Variants in POT1 observed in about 807,000 individuals in gnomAD.
POT1 encodes protection of telomeres 1.
POT1 carries 47 observed loss-of-function variants against 78.5 expected under a neutral mutation model. The ratio of observed to expected loss-of-function variants is 0.60; its 90% CI spans 0.47 to 0.76. The LOEUF (loss-of-function observed/expected upper bound fraction) is 0.76, where lower values mean the gene tolerates loss of function less well. Ranked by LOEUF, POT1 falls within the 30% of genes least tolerant of loss-of-function variation. POT1 has a pLI of 0.00. For missense variants in POT1, 646 were observed against 749.9 expected, an observed-to-expected ratio of 0.86 and a Z score of 1.62; for synonymous variants, 259 against 260.7, an observed-to-expected ratio of 0.99 and a Z score of 0.06.
intron 15 of POT1, among the ~76,000 whole-genome samples, chr7:124,833,620 G>A (rs1794823039): frequency 6.6e-6 from 1 of 152,110 alleles, no homozygotes; most frequent in South Asian, 2.1e-4. Context: ...TAGTGGCTCA[G>A]AAATTCTGAA....
At chr7:124,827,806 C>A (rs1314289829) in intron 16 of POT1, among the ~76,000 whole-genome samples, 1 of 152,018 alleles carries the variant, frequency 6.6e-6, no homozygotes, top group African/African-American at 2.4e-5. Context: ...GGCAGATCAC[C>A]TGGGCGGATC....
chr7:124,824,981 T>C (rs1046842975), intron 18 of POT1, among the ~76,000 whole-genome samples: 8 of 152,180 alleles, frequency 5.3e-5, no homozygotes, highest in Non-Finnish European at 8.8e-5. Flanking sequence ...GCTTGTAGCA[T>C]GACAATGTCA....
intron 6 of POT1, among the ~76,000 whole-genome samples, chr7:124,872,290 AGATATCTCTTCAACATACT>A (rs1442550009): frequency 6.6e-6 from 1 of 152,208 alleles, no homozygotes; most frequent in African/African-American, 2.4e-5. Context: ...ATGGGAGTGC[AGATATCTCTTCAACATACT>A]GATTATTTAC....
chr7:124,910,324 A>G (rs1440725386), intron 3 of POT1, among the ~76,000 whole-genome samples: 3 of 151,842 alleles, frequency 2.0e-5, no homozygotes, highest in Non-Finnish European at 4.4e-5. Flanking sequence ...ATGAGGTAAG[A>G]AAAAAAAGGT....
rs1357128466 is a variant in POT1 at position 124,929,819 on chromosome 7, A to T, written c.-437T>A. 6.6e-6 allele frequency: 1 copy of T among 152,256 alleles called. No homozygotes were observed. Among genetic ancestry groups the T allele is most frequent in the Non-Finnish European group, 1.5e-5 (1 of 68,084 alleles). 9.4% of individuals were successfully genotyped at this position (152,256 alleles called of 1,614,324 possible). ...CCGTACTCTAGAAAGAACCCTAGGA[A>T]GAGTTTAGGCGGGCGCGCAGGTGAC... is the stretch of plus-strand genomic sequence containing the variant. On this transcript the variant is annotated 5_prime_UTR_variant, in exon 1 of 19. Transcript: ENST00000357628.
intron 6 of POT1, among the ~76,000 whole-genome samples, chr7:124,876,687 T>A (rs973923175): frequency 6.6e-6 from 1 of 152,194 alleles, no homozygotes; most frequent in African/African-American, 2.4e-5. Flanking sequence ...TTCTGGAACA[T>A]ACATATTAAA....
rs1234828035 is a variant in POT1 at position 124,835,266 on chromosome 7, C to CAAAAT, written c.1505+12_1505+13insATTTT. 9.3e-6 allele frequency: 15 copies of CAAAAT among 1,612,086 alleles called. No homozygotes were observed. Among genetic ancestry groups the CAAAAT allele is most frequent in the Non-Finnish European group, 1.3e-5 (15 of 1,179,164 alleles). On this transcript the variant is annotated intron_variant, in intron 15 of 18. Coordinates refer to ENST00000357628, the MANE Select transcript of POT1 (RefSeq NM_015450.3). ...ATAAACAAAACAAAACAAAACAAAA[C>CAAAAT]AAAACAAAATACCCATAGTGATGTA... is the stretch of plus-strand genomic sequence containing the variant.
intron 1 of POT1, 200 bp downstream of exon 1, chr7:124,929,594 G>A (rs1444883284): frequency 6.6e-6 from 1 of 152,136 alleles, no homozygotes; most frequent in African/African-American, 2.4e-5. Flanking sequence ...TGAGGGCGGG[G>A]ACTTGGACTT....
chr7:124,830,480 T>C (rs1392477537), intron 15 of POT1, among the ~76,000 whole-genome samples: 1 of 152,124 alleles, frequency 6.6e-6, no homozygotes, highest in East Asian at 1.9e-4. Context: ...AAGATGTCAA[T>C]TTAACAAAAG....
intron 2 of POT1, among the ~76,000 whole-genome samples, chr7:124,916,996 C>G (rs912975659): frequency 3.9e-5 from 6 of 152,006 alleles, no homozygotes; most frequent in Non-Finnish European, 5.9e-5. Flanking sequence ...CAATCCAAGA[C>G]CATTGGTGAA....
At position 124,835,302 on chromosome 7, in the gene POT1, T is replaced by C. The variant is rs764303246; in HGVS notation, c.1482A>G (p.Ile494Met). The C allele has an allele frequency of 8.1e-6, 13 of 1,613,896 alleles. No homozygotes were observed. The highest frequency in any genetic ancestry group is 5.3e-5 in the African/African-American group (4 of 74,900). ...ACCCATAGTGATGTATTGTTCCTTG[T>C]ATAAGAAATGGTGCTGAAAGGTCCA... ...ELLDLSAPFLIQGTIHHYGCK... is the reference protein window; with the variant it reads ...ELLDLSAPFLMQGTIHHYGCK... The change falls in exon 15 of 19, where the codon ATA becomes ATG. Residue 494 changes from isoleucine to methionine, a missense_variant. Physicochemically the swap from Ile to Met is conservative, Grantham distance 10. This residue lies in a region of POT1 where 394 missense variants were observed against 408.4 expected (regional missense o/e 0.96). Transcript: ENST00000357628.
chr7:124,910,068 A>G (rs1010366858), intron 3 of POT1, among the ~76,000 whole-genome samples: 1 of 151,878 alleles, frequency 6.6e-6, no homozygotes, highest in Non-Finnish European at 1.5e-5. Context: ...CACACACAAA[A>G]GCATGTGCAC....
intron 6 of POT1, among the ~76,000 whole-genome samples, chr7:124,882,397 C>T (rs1287240332): frequency 1.3e-5 from 2 of 151,914 alleles, no homozygotes; most frequent in Non-Finnish European, 2.9e-5. Context: ...ACTTACTGTA[C>T]AATACAAAAA....
At chr7:124,824,100 G>A (rs746312604) in intron 18 of POT1, 26 bp from the exon 19 acceptor site, 6 of 1,422,078 alleles carry the variant, frequency 4.2e-6, no homozygotes, top group South Asian at 1.2e-5. Context: ...CAAAAAAAGC[G>A]ATTTAACCAT....
intron 5 of POT1, among the ~76,000 whole-genome samples, chr7:124,893,709 T>G (rs1278202575): frequency 1.3e-5 from 2 of 151,600 alleles, no homozygotes; most frequent in Non-Finnish European, 3.0e-5. Flanking sequence ...TGCATTAATG[T>G]GAAGAAATAA....
At chr7:124,865,619 TTTC>T (rs1321925170) in intron 7 of POT1, among the ~76,000 whole-genome samples, 5 of 151,910 alleles carry the variant, frequency 3.3e-5, no homozygotes, top group Admixed American at 6.6e-5. Flanking sequence ...TCTGATGAAA[TTTC>T]TTTTCATTCA....
At chr7:124,910,818 T>C (rs1796873484) in intron 3 of POT1, among the ~76,000 whole-genome samples, 1 of 152,002 alleles carries the variant, frequency 6.6e-6, no homozygotes, top group African/African-American at 2.4e-5. Flanking sequence ...TAAACACACA[T>C]AGGTGTGTAA....
At chr7:124,859,742 A>G (rs1385941720) in intron 8 of POT1, among the ~76,000 whole-genome samples, 1 of 151,352 alleles carries the variant, frequency 6.6e-6, no homozygotes, top group Non-Finnish European at 1.5e-5. Context: ...AAACCATAAA[A>G]CAAAACACAC....
At chr7:124,903,915 T>C (rs1284501915) in intron 3 of POT1, among the ~76,000 whole-genome samples, 1 of 152,160 alleles carries the variant, frequency 6.6e-6, no homozygotes, top group African/African-American at 2.4e-5. Context: ...CTAGAAACTC[T>C]AGAAGAAATG....
Sources: allele counts gnomAD v4.1 joint callset (sites outside exome capture counted in the v4.1 genomes callset), GRCh38; gene constraint gnomAD v4.1.1; regional missense constraint gnomAD v4.1.1; transcripts MANE v1.5; gene names NCBI Gene and HGNC (gene_info 2026-07-23, HGNC 2026-07-21).